Variants in RFTN1 observed in about 807,000 individuals in gnomAD.
RFTN1 encodes the protein raftlin.
RFTN1 carries 26 observed loss-of-function variants against 46.5 expected under a neutral mutation model. That is an observed-to-expected ratio of 0.56 (90% CI 0.41 to 0.78). The LOEUF is 0.78. Among genes scored for constraint, RFTN1 ranks in the 30% least tolerant of loss-of-function variants. The pLI is 0.00. For synonymous variants in RFTN1, 261 were observed against 284.2 expected, an observed-to-expected ratio of 0.92 and a Z score of 0.82; for missense variants, 693 against 718.7, an observed-to-expected ratio of 0.96 and a Z score of 0.41.
At position 16,378,296 on chromosome 3, in the gene RFTN1, T is replaced by A. The variant is rs143826657; in HGVS notation, c.442-194A>T. 8.5e-5 allele frequency among the ~76,000 whole-genome samples: 13 copies of A among 152,358 alleles called. No individual in the cohort carries two copies. In the East Asian group the frequency reaches 9.7e-4, roughly 11 times the overall value. ...CCTAGTCTGAAGAAGACAGTTTTTT[T>A]AATTTGTTTTAACTATATTGTCTGA... On this transcript the variant is annotated intron_variant, in intron 4 of 9. Transcript: ENST00000334133.
rs2073800001 is a variant in RFTN1 at position 16,376,997 on chromosome 3, T to C, written c.826+721A>G. 1.3e-5 allele frequency among the ~76,000 whole-genome samples: 2 copies of C among 152,242 alleles called. No homozygotes were observed. The highest frequency in any genetic ancestry group is 2.1e-4 in the South Asian group (1 of 4,802). ...TTCTGTTAGTTTTCATACTTGTTCT[T>C]ACTTACATGGCTTATGTAAGTACCT... On this transcript the variant is annotated intron_variant, in intron 5 of 9. Transcript: ENST00000334133. The surrounding 1 kb of genome is among the most constrained non-coding windows in gnomAD (Gnocchi z 4.7).
rs998170457 is a variant in RFTN1, at chr3:16,446,420, T to C, written c.146-12383A>G. On this transcript the variant is annotated intron_variant, in intron 2 of 9. Transcript: ENST00000334133. This position sits in a 1 kb window ranked among gnomAD's most constrained non-coding sequence, Gnocchi z 4.5. ...ACCATCTATCTCCAGGAAATCTTCATCGGCCTCATCTCTCGGTCCACGTCC... is the reference window on the plus strand; with the variant it reads ...ACCATCTATCTCCAGGAAATCTTCACCGGCCTCATCTCTCGGTCCACGTCC... Among the ~76,000 whole-genome samples the C allele has an allele frequency of 2.0e-5, 3 of 152,044 alleles. No individual in the cohort carries two copies. Among genetic ancestry groups the C allele is most frequent in the Admixed American group, 2.0e-4 (3 of 15,250 alleles).
rs2076254274 is a variant in RFTN1, at chr3:16,474,690, A to G, written c.145+19035T>C. Among the ~76,000 whole-genome samples, 1 of 152,260 alleles carries G rather than the reference A, an allele frequency of 6.6e-6. No individual in the cohort carries two copies. Among genetic ancestry groups the G allele is most frequent in the South Asian group, 2.1e-4 (1 of 4,830 alleles). On this transcript the variant is annotated intron_variant, in intron 2 of 9. Coordinates refer to ENST00000334133, the MANE Select transcript of RFTN1 (RefSeq NM_015150.2). This position sits in a 1 kb window ranked among gnomAD's most constrained non-coding sequence, Gnocchi z 5.5. The stretch of plus-strand genomic sequence containing the variant: ...GCAGTGTTAAAGTCAAAAGAACCTT[A>G]GCCACTACTGTATTTGCAAAAATTC...
intron 4 of RFTN1, among the ~76,000 whole-genome samples, chr3:16,395,232 C>G (rs111714319): frequency 6.6e-6 from 1 of 152,198 alleles, no homozygotes; most frequent in African/African-American, 2.4e-5. Flanking sequence ...TCTTTTAGAT[C>G]TTGGCATATA....
At chr3:16,491,332 A>T (rs1250122247) in intron 2 of RFTN1, among the ~76,000 whole-genome samples, 1 of 152,148 alleles carries the variant, frequency 6.6e-6, no homozygotes, top group African/African-American at 2.4e-5. Flanking sequence ...CACCAAAGAC[A>T]AGCAGTGGGA....
rs7620723 is a variant in RFTN1 at position 16,342,955 on chromosome 3, A to G, written c.1146+14977T>C. The stretch of plus-strand genomic sequence containing the variant: ...CCCAGGCTCAAGTGAGCCTCCCACT[A>G]CAGCCCCTCTGAGTCGCTGGGAATA... On this transcript the variant is annotated intron_variant, in intron 7 of 9. Coordinates refer to ENST00000334133, the MANE Select transcript of RFTN1 (RefSeq NM_015150.2). The surrounding 1 kb of genome is among the most constrained non-coding windows in gnomAD (Gnocchi z 4.0). Among the ~76,000 whole-genome samples the G allele has an allele frequency of 0.24, 36,824 of 151,862 alleles. 4,667 individuals carry two copies. Among genetic ancestry groups the G allele is most frequent in the Middle Eastern group, 0.32 (94 of 294 alleles).
In RFTN1 at chr3:16,321,284, G is replaced by A. The variant is rs1422911075; in HGVS notation, c.1332+2092C>T. Among the ~76,000 whole-genome samples, 2 of 152,180 alleles carry A rather than the reference G, an allele frequency of 1.3e-5. No individual in the cohort carries two copies. The highest frequency in any genetic ancestry group is 4.8e-5 in the African/African-American group (2 of 41,426). ...TGGTCATTGGCACAGAGGTGGTGAA[G>A]GAGATTTTCTAAGGAAGAGGCAAGA... On this transcript the variant is annotated intron_variant, in intron 9 of 9. Coordinates refer to ENST00000334133, the MANE Select transcript of RFTN1 (RefSeq NM_015150.2). The surrounding 1 kb of genome is among the most constrained non-coding windows in gnomAD (Gnocchi z 4.8).
intron 3 of RFTN1, among the ~76,000 whole-genome samples, chr3:16,431,446 C>G (rs1208377139): frequency 6.6e-6 from 1 of 152,084 alleles, no homozygotes; most frequent in Non-Finnish European, 1.5e-5. Context: ...AACCATATCC[C>G]CAGGAGACTC....
Position 16,446,421 on chromosome 3 carries a change from C to G in RFTN1, c.146-12384G>C, listed in dbSNP as rs58197108. Reference sequence around the variant, plus strand: ...CCATCTATCTCCAGGAAATCTTCATCGGCCTCATCTCTCGGTCCACGTCCA... The same window carrying G: ...CCATCTATCTCCAGGAAATCTTCATGGGCCTCATCTCTCGGTCCACGTCCA... On this transcript the variant is annotated intron_variant, in intron 2 of 9. Transcript: ENST00000334133. This position sits in a 1 kb window ranked among gnomAD's most constrained non-coding sequence, Gnocchi z 4.5. Among the ~76,000 whole-genome samples the G allele has an allele frequency of 0.02, 3,091 of 152,074 alleles. 117 individuals carry two copies. Among genetic ancestry groups the G allele is most frequent in the African/African-American group, 0.071 (2,947 of 41,448 alleles).
Position 16,351,165 on chromosome 3 carries a change from T to C in RFTN1, c.1146+6767A>G, listed in dbSNP as rs1443349789. On this transcript the variant is annotated intron_variant, in intron 7 of 9. Coordinates refer to ENST00000334133, the MANE Select transcript of RFTN1 (RefSeq NM_015150.2). The surrounding 1 kb of genome is among the most constrained non-coding windows in gnomAD (Gnocchi z 5.4). ...CTTTCATGTAAATACAATAGAGGAA[T>C]GGAAGATGGAACAACAGGGCCACCT... Among the ~76,000 whole-genome samples the C allele has an allele frequency of 6.6e-6, 1 of 152,086 alleles. No individual in the cohort carries two copies. The highest frequency in any genetic ancestry group is 1.5e-5 in the Non-Finnish European group (1 of 68,020).
At position 16,383,855 on chromosome 3, in the gene RFTN1, A is replaced by T. The variant is rs1239542824; in HGVS notation, c.442-5753T>A. 6.6e-6 allele frequency among the ~76,000 whole-genome samples: 1 copy of T among 152,220 alleles called. No individual in the cohort carries two copies. Among genetic ancestry groups the T allele is most frequent in the African/African-American group, 2.4e-5 (1 of 41,458 alleles). On this transcript the variant is annotated intron_variant, in intron 4 of 9. Transcript: ENST00000334133. This position sits in a 1 kb window ranked among gnomAD's most constrained non-coding sequence, Gnocchi z 4.0. The stretch of plus-strand genomic sequence containing the variant: ...TAGTAGATAGCATGGGTAAAGAGTC[A>T]GAGACACTTCCAAGACTGTTTTGTC...
At chr3:16,395,863 G>A (rs1231238604) in intron 4 of RFTN1, among the ~76,000 whole-genome samples, 1 of 152,172 alleles carries the variant, frequency 6.6e-6, no homozygotes, top group Non-Finnish European at 1.5e-5. Flanking sequence ...AAAATGCTGG[G>A]ATTATAAGTG....
intron 7 of RFTN1, among the ~76,000 whole-genome samples, chr3:16,354,936 C>A (rs1463202494): frequency 1.3e-5 from 2 of 152,232 alleles, no homozygotes; most frequent in Non-Finnish European, 2.9e-5. Flanking sequence ...TAGCCAAGTT[C>A]TTTGCCACTT....
intron 4 of RFTN1, among the ~76,000 whole-genome samples, chr3:16,386,199 G>A (rs796163026): frequency 9.3e-4 from 112 of 120,954 alleles, no homozygotes; most frequent in African/African-American, 4.2e-3. Flanking sequence ...AAATGATTTG[G>A]GAGAAGGATT....
At chr3:16,368,615 G>C (rs550563996) in intron 6 of RFTN1, among the ~76,000 whole-genome samples, 1 of 151,870 alleles carries the variant, frequency 6.6e-6, no homozygotes, top group South Asian at 2.1e-4. Context: ...AGCTTGCAGT[G>C]AGCCGAGATC....
rs1465402586 is a variant in RFTN1 at position 16,442,948 on chromosome 3, A to ATATAC, written c.146-8912_146-8911insGTATA. On this transcript the variant is annotated intron_variant, in intron 2 of 9. Transcript: ENST00000334133. This position sits in a 1 kb window ranked among gnomAD's most constrained non-coding sequence, Gnocchi z 4.1. ...AAGGCTGAATAATACTCCATTGCAT[A>ATATAC]TATATACCATAGTTTATTTATCCAA... Among the ~76,000 whole-genome samples the ATATAC allele has an allele frequency of 2.6e-5, 4 of 152,322 alleles. No homozygotes were observed. The highest frequency in any genetic ancestry group is 5.9e-5 in the Non-Finnish European group (4 of 68,030).
rs9809199 is a variant in RFTN1, at chr3:16,456,853, C to A, written c.146-22816G>T. 3.1e-3 allele frequency among the ~76,000 whole-genome samples: 474 copies of A among 152,212 alleles called. 3 individuals are homozygous for A. Among genetic ancestry groups the A allele is most frequent in the African/African-American group, 0.011 (448 of 41,528 alleles). ...AAAATAGTTGGGACCTTAAGAACTCCCAGGGGTCCCCAGACCACTCTGAGA... is the reference window on the plus strand; with the variant it reads ...AAAATAGTTGGGACCTTAAGAACTCACAGGGGTCCCCAGACCACTCTGAGA... On this transcript the variant is annotated intron_variant, in intron 2 of 9. Transcript: ENST00000334133.
intron 6 of RFTN1, among the ~76,000 whole-genome samples, chr3:16,367,264 A>T (rs2073244460): frequency 1.4e-5 from 2 of 144,408 alleles, no homozygotes; most frequent in Admixed American, 1.4e-4. Context: ...GGTTCCTCTT[A>T]TGATTACGAT....
chr3:16,365,867 A>C lies in RFTN1; in HGVS notation c.1030+4209T>G, dbSNP rs370436049. On this transcript the variant is annotated intron_variant, in intron 6 of 9. Coordinates refer to ENST00000334133, the MANE Select transcript of RFTN1 (RefSeq NM_015150.2). ...ATAAGAGGCTAGGTTCCTTTCAAGCAGTCAGGGAAAGAAAAAAGGGCTCTT... is the reference window on the plus strand; with the variant it reads ...ATAAGAGGCTAGGTTCCTTTCAAGCCGTCAGGGAAAGAAAAAAGGGCTCTT... Among the ~76,000 whole-genome samples the C allele has an allele frequency of 1.2e-4, 19 of 152,366 alleles. No individual in the cohort carries two copies. The East Asian group carries it at 3.5e-3, about 28-fold the overall frequency.
Sources: gnomAD v4.1 joint callset for allele counts (sites outside exome capture counted in the v4.1 genomes callset) on GRCh38, gnomAD v4.1.1 for gene constraint, Gnocchi (gnomAD v3.1) non-coding constraint, MANE v1.5 for transcripts, NCBI Gene and HGNC (gene_info 2026-07-23, HGNC 2026-07-21) for gene names.